Variants in MARCHF1 observed in about 807,000 individuals in gnomAD.
MARCHF1 encodes membrane associated ring-CH-type finger 1.
A neutral mutation model predicts 54.2 loss-of-function variants in MARCHF1; 40 were observed. The observed-to-expected ratio is 0.74, with a 90% CI of 0.57 to 0.96. MARCHF1 has a LOEUF of 0.96. MARCHF1 is among the 40% of genes least tolerant of loss of function. The probability of loss-of-function intolerance (pLI) is 0.00; values close to 1 mark genes in which losing one functional copy is unlikely to be tolerated. For synonymous variants in MARCHF1, 236 were observed against 236.3 expected (o/e 1.00, Z 0.01); for missense variants, 586 against 656.5 (o/e 0.89, Z 1.17).
intron 4 of MARCHF1, among the ~76,000 whole-genome samples, chr4:163,740,344 C>T (rs1746160569): frequency 6.6e-6 from 1 of 152,170 alleles, no homozygotes; most frequent in Admixed American, 6.5e-5. Flanking sequence ...TGAGATTTTA[C>T]CTTACTTGCA....
intron 7 of MARCHF1, among the ~76,000 whole-genome samples, chr4:163,610,722 A>G (rs935011396): frequency 2.6e-5 from 4 of 152,138 alleles, no homozygotes; most frequent in Non-Finnish European, 5.9e-5. Flanking sequence ...TAGGTAAATT[A>G]CACGGTGACA....
intron 4 of MARCHF1, among the ~76,000 whole-genome samples, chr4:163,761,236 C>T (rs757051462): frequency 2.0e-5 from 3 of 152,086 alleles, no homozygotes; most frequent in Non-Finnish European, 4.4e-5. Context: ...TGATGTTATA[C>T]AATTGTGAGA....
In MARCHF1 at chr4:163,735,867, C is replaced by T. The variant is rs187063663; in HGVS notation, c.112-35004G>A. On this transcript the variant is annotated intron_variant, in intron 4 of 9. Transcript: ENST00000514618. ...GGATTGGAGTCTTAAACTATTGGTACAGTGGTCCCCCCTTCATAGGGGATA... is the reference window on the plus strand; with the variant it reads ...GGATTGGAGTCTTAAACTATTGGTATAGTGGTCCCCCCTTCATAGGGGATA... Among the ~76,000 whole-genome samples, 5 of 152,230 alleles carry T rather than the reference C, an allele frequency of 3.3e-5. No individual in the cohort carries two copies. In the East Asian group the frequency reaches 7.7e-4, roughly 23 times the overall value.
intron 1 of MARCHF1, among the ~76,000 whole-genome samples, chr4:164,348,702 AAAAACAGC>A (rs1445228743): frequency 9.2e-5 from 14 of 152,208 alleles, no homozygotes; most frequent in Non-Finnish European, 2.1e-4. Flanking sequence ...AGCATTATGG[AAAAACAGC>A]AAAGGAAACA....
chr4:164,070,763 G>T (rs1372188594), intron 2 of MARCHF1, among the ~76,000 whole-genome samples: 7 of 152,142 alleles, frequency 4.6e-5, no homozygotes, highest in Non-Finnish European at 1.0e-4. Flanking sequence ...TTTATATCAG[G>T]TTAAATGCCT....
chr4:163,672,802 C>G (rs1218185757), intron 5 of MARCHF1, among the ~76,000 whole-genome samples: 4 of 152,136 alleles, frequency 2.6e-5, no homozygotes, highest in African/African-American at 9.7e-5. Context: ...GAATCCAGCT[C>G]CCTGCCTTTT....
chr4:163,611,880 A>C (rs965860104), intron 7 of MARCHF1, among the ~76,000 whole-genome samples: 6 of 152,062 alleles, frequency 3.9e-5, no homozygotes, highest in Non-Finnish European at 7.4e-5. Flanking sequence ...ACCTTAAAGA[A>C]CTCAAGCCTT....
At chr4:163,829,794 G>A (rs1158169323) in intron 4 of MARCHF1, among the ~76,000 whole-genome samples, 1 of 152,240 alleles carries the variant, frequency 6.6e-6, no homozygotes, top group African/African-American at 2.4e-5. Flanking sequence ...AAGGGAATGT[G>A]AACAGCTATG....
intron 1 of MARCHF1, among the ~76,000 whole-genome samples, chr4:164,133,184 C>G (rs1466301915): frequency 6.6e-6 from 1 of 152,166 alleles, no homozygotes; most frequent in Non-Finnish European, 1.5e-5. Context: ...ATAAGGATAA[C>G]TCGGCAGAAT....
chr4:163,932,802 A>G (rs1187006760), intron 3 of MARCHF1: 3 of 614,568 alleles, frequency 4.9e-6, no homozygotes, highest in Non-Finnish European at 9.6e-6. Flanking sequence ...GATCGGCACC[A>G]TGGTCCTGGA....
chr4:164,318,526 A>G (rs1735059668), intron 1 of MARCHF1, among the ~76,000 whole-genome samples: 1 of 152,230 alleles, frequency 6.6e-6, no homozygotes, highest in African/African-American at 2.4e-5. Flanking sequence ...GAGAGAGAAA[A>G]CATTACAGCA....
At chr4:164,064,046 C>T (rs1054056580) in intron 2 of MARCHF1, among the ~76,000 whole-genome samples, 4 of 152,158 alleles carry the variant, frequency 2.6e-5, no homozygotes, top group African/African-American at 7.2e-5. Context: ...CAGTACCATG[C>T]TGTTTTGGTT....
At chr4:163,617,918 T>G (rs1456934670) in intron 5 of MARCHF1, among the ~76,000 whole-genome samples, 2 of 152,126 alleles carry the variant, frequency 1.3e-5, no homozygotes, top group Admixed American at 6.6e-5. Context: ...ATAAAACAAA[T>G]GTCATAATTC....
intron 4 of MARCHF1, among the ~76,000 whole-genome samples, chr4:163,734,301 A>G (rs980555944): frequency 2.6e-5 from 4 of 152,316 alleles, no homozygotes; most frequent in Admixed American, 2.0e-4. Flanking sequence ...CATCTGCCAT[A>G]TGATTTAGTC....
At chr4:163,866,410 T>C (rs1043974687) in intron 3 of MARCHF1, among the ~76,000 whole-genome samples, 3 of 146,050 alleles carry the variant, frequency 2.1e-5, no homozygotes, top group African/African-American at 7.4e-5. Context: ...AAAAATAGCA[T>C]ACAAGTTGGG....
intron 2 of MARCHF1, among the ~76,000 whole-genome samples, chr4:164,055,570 GT>G (rs1349684570): frequency 6.6e-6 from 1 of 152,004 alleles, no homozygotes; most frequent in African/African-American, 2.4e-5. Flanking sequence ...TATGGATAAA[GT>G]AAAAAGAATA....
At chr4:163,912,134 CGAGA>C (rs1401503358) in intron 3 of MARCHF1, among the ~76,000 whole-genome samples, 1 of 150,142 alleles carries the variant, frequency 6.7e-6, no homozygotes, top group African/African-American at 2.5e-5. Context: ...GGGAAAAAAA[CGAGA>C]GAGAGAGATG....
At chr4:163,546,587 G>A (rs1393042331) in intron 8 of MARCHF1, among the ~76,000 whole-genome samples, 1 of 152,182 alleles carries the variant, frequency 6.6e-6, no homozygotes, top group Non-Finnish European at 1.5e-5. Context: ...GCAAGAGAAA[G>A]TCAACATTTT....
rs937824217 is a variant in MARCHF1 at position 164,138,004 on chromosome 4, A to C, written c.-322-26342T>G. Among the ~76,000 whole-genome samples, 7 of 152,074 alleles carry C rather than the reference A, an allele frequency of 4.6e-5. 1 individual carries two copies. The highest frequency in any genetic ancestry group is 1.7e-4 in the African/African-American group (7 of 41,386). Reference sequence around the variant, plus strand: ...TTCATTGCTTTACTCCTTGGCTCATAGGTTCTTCCAGGTGTTTCTCACTGT... The same window carrying C: ...TTCATTGCTTTACTCCTTGGCTCATCGGTTCTTCCAGGTGTTTCTCACTGT... On this transcript the variant is annotated intron_variant, in intron 1 of 9. Transcript: ENST00000514618.
Sources: gnomAD v4.1 joint callset for allele counts (sites outside exome capture counted in the v4.1 genomes callset) on GRCh38, gnomAD v4.1.1 for gene constraint, MANE v1.5 for transcripts, NCBI Gene and HGNC (gene_info 2026-07-23, HGNC 2026-07-21) for gene names.